The following GPALPP1 variants were observed in gnomAD, a reference collection of about 807,000 sequenced individuals.
GPALPP1 encodes GPALPP motifs containing 1.
Under a neutral mutation model 38.9 loss-of-function variants are expected in GPALPP1, and 30 were observed. The observed-to-expected ratio is 0.77, with a 90% CI of 0.58 to 1.05. The LOEUF is 1.05. GPALPP1 is among the 50% of genes least tolerant of loss of function. The pLI is 0.00. For synonymous variants in GPALPP1, 120 were observed against 139.2 expected (o/e 0.86, Z 0.97); for missense variants, 384 against 408.8 (o/e 0.94, Z 0.52).
In GPALPP1 at chr13:45,009,176, A is replaced by G. The variant is rs1346743817; in HGVS notation, c.408+297A>G. 3.9e-5 allele frequency among the ~76,000 whole-genome samples: 6 copies of G among 152,328 alleles called. No individual in the cohort carries two copies. In the East Asian group the frequency reaches 1.2e-3, roughly 29 times the overall value. ...AAGGTGTTAGAAGGATGGAACATGA[A>G]GAAAAGTTTAAGGAATGATTGTGAT... On this transcript the variant is annotated intron_variant, in intron 4 of 7. Coordinates refer to ENST00000379151, the MANE Select transcript of GPALPP1 (RefSeq NM_018559.5).
intron 6 of GPALPP1, among the ~76,000 whole-genome samples, chr13:45,020,101 G>T (rs1207834366): frequency 2.6e-5 from 4 of 151,772 alleles, no homozygotes; most frequent in Admixed American, 2.6e-4. Flanking sequence ...GGCTGGTCTC[G>T]AACTCGTCAC....
intron 7 of GPALPP1, among the ~76,000 whole-genome samples, chr13:45,025,259 G>A (rs1023352099): frequency 3.9e-5 from 6 of 152,102 alleles, no homozygotes; most frequent in Non-Finnish European, 7.4e-5. Context: ...TTGTTATAGC[G>A]ATGTCATTCA....
intron 6 of GPALPP1, among the ~76,000 whole-genome samples, chr13:45,015,843 G>A (rs1377986073): frequency 6.6e-6 from 1 of 152,040 alleles, no homozygotes; most frequent in East Asian, 1.9e-4. Flanking sequence ...TAGGTATAAT[G>A]GCCTTATTTT....
At chr13:45,004,210 G>A in intron 1 of GPALPP1, 95 bp from the exon 2 acceptor site, 2 of 913,150 alleles carry the variant, frequency 2.2e-6, no homozygotes, top group Non-Finnish European at 3.4e-6. Context: ...GACAGCCAGT[G>A]CTGTTTATTT....
downstream of GPALPP1, chr13:45,034,372 T>TAGAAAGAAAACACGGTAGTGAAA (rs1876330741): frequency 1.3e-5 from 2 of 152,186 alleles, no homozygotes; most frequent in South Asian, 4.1e-4. Context: ...TGATAGGTGT[T>TAGAAAGAAAACACGGTAGTGAAA]AGAAAGAAAA....
exon 8 of GPALPP1, chr13:45,036,323 C>T (rs1233901255): frequency 6.6e-6 from 1 of 152,204 alleles, no homozygotes; most frequent in Non-Finnish European, 1.5e-5. Flanking sequence ...ATAGATAAGT[C>T]CCTAAGAGGA....
chr13:44,994,217 C>CAA (rs1165851530), intron 1 of GPALPP1, among the ~76,000 whole-genome samples: 1,038 of 61,166 alleles, frequency 0.017, 29 homozygotes, highest in African/African-American at 0.047. Flanking sequence ...GACCCTGTCT[C>CAA]AAAAAAAAAA....
At chr13:45,006,551 T>C (rs1013856344) in intron 3 of GPALPP1, among the ~76,000 whole-genome samples, 2 of 152,224 alleles carry the variant, frequency 1.3e-5, no homozygotes, top group African/African-American at 4.8e-5. Flanking sequence ...AAGTGTTTTG[T>C]GGTAAACGAG....
intron 3 of GPALPP1, among the ~76,000 whole-genome samples, chr13:45,008,476 A>G (rs1874254231): frequency 1.3e-5 from 2 of 152,328 alleles, no homozygotes; most frequent in Middle Eastern, 3.4e-3. Context: ...TAGTACATCA[A>G]TTTTTTTAAA....
rs762040602 is a variant in GPALPP1 at position 45,006,233 on chromosome 13, G to C, written c.253G>C (p.Asp85His). 2 of 1,610,484 alleles carry C rather than the reference G, an allele frequency of 1.2e-6. No individual in the cohort carries two copies. Among genetic ancestry groups the C allele is most frequent in the South Asian group, 2.2e-5 (2 of 90,652 alleles). The change falls in exon 3 of 8, where the codon GAT becomes CAT. Residue 85 changes from aspartate (D) to histidine (H), a missense_variant. Transcript: ENST00000379151. ...GAGGAAAAATCAGGATGATGACGAT[G>C]ATGATGATGATGGGTTTTTTGGACC... The part of the protein sequence containing the change: ...KQRKNQDDDD[D>H]DDDGFFGPAL...
At chr13:45,008,400 G>T (rs533012816) in intron 3 of GPALPP1, among the ~76,000 whole-genome samples, 2 of 152,076 alleles carry the variant, frequency 1.3e-5, no homozygotes, top group South Asian at 4.1e-4. Context: ...TATCTTTCAC[G>T]GGATAATGAA....
At chr13:45,035,494 T>C (rs777921103) in exon 8 of GPALPP1, 7 of 152,244 alleles carry the variant, frequency 4.6e-5, no homozygotes, top group Non-Finnish European at 1.0e-4. Context: ...ATCAAAACCA[T>C]AAATATTTAA....
At chr13:45,012,707 A>G (rs1473872678) in intron 4 of GPALPP1, among the ~76,000 whole-genome samples, 1 of 152,128 alleles carries the variant, frequency 6.6e-6, no homozygotes, top group Non-Finnish European at 1.5e-5. Flanking sequence ...GTAGGTCCAT[A>G]TGTGAGGTGT....
chr13:45,024,057 G>T (rs1043727974), intron 7 of GPALPP1, among the ~76,000 whole-genome samples: 5 of 152,032 alleles, frequency 3.3e-5, no homozygotes, highest in Middle Eastern at 3.2e-3. Context: ...CTAAATTTAT[G>T]ATAGGACAGG....
chr13:45,033,716 G>A (rs1459593509), downstream of GPALPP1: 2 of 152,168 alleles, frequency 1.3e-5, no homozygotes, highest in Non-Finnish European at 2.9e-5. Flanking sequence ...CCAGATCATT[G>A]TAGGCTATTG....
At chr13:45,018,540 A>G (rs1875045261) in intron 6 of GPALPP1, among the ~76,000 whole-genome samples, 1 of 152,198 alleles carries the variant, frequency 6.6e-6, no homozygotes, top group Non-Finnish European at 1.5e-5. Context: ...TTTTATCTCC[A>G]TTGTACCATA....
rs548593594 is a variant in GPALPP1, at chr13:45,015,977, C to T, written c.705+381C>T. On this transcript the variant is annotated intron_variant, in intron 6 of 7. Coordinates refer to ENST00000379151, the MANE Select transcript of GPALPP1 (RefSeq NM_018559.5). Reference sequence around the variant, plus strand: ...GATTCCCTGGTCTTTTTACACCATACTATCTTTATGAACATATATCTTTTA... The same window carrying T: ...GATTCCCTGGTCTTTTTACACCATATTATCTTTATGAACATATATCTTTTA... Among the ~76,000 whole-genome samples the T allele has an allele frequency of 9.9e-5, 15 of 151,928 alleles. No individual in the cohort carries two copies. The South Asian group carries it at 2.9e-3, about 30-fold the overall frequency.
chr13:45,035,195 A>G (rs1235364937), downstream of GPALPP1: 1 of 152,480 alleles, frequency 6.6e-6, no homozygotes, highest in African/African-American at 2.4e-5. Context: ...TGACCTGTTG[A>G]TCCATCCGCC....
chr13:45,020,998 G>T (rs190338048), intron 7 of GPALPP1, among the ~76,000 whole-genome samples: 160 of 152,144 alleles, frequency 1.1e-3, no homozygotes, highest in African/African-American at 3.6e-3. Flanking sequence ...TGGAATGTTG[G>T]ATGTAAATAT....
Sources: gnomAD v4.1 joint callset for allele counts (sites outside exome capture counted in the v4.1 genomes callset) on GRCh38, gnomAD v4.1.1 for gene constraint, MANE v1.5 for transcripts, NCBI Gene and HGNC (gene_info 2026-07-23, HGNC 2026-07-21) for gene names.